Variants in RHCE observed in about 807,000 individuals in gnomAD.
The protein encoded by RHCE is blood group Rh(CE) polypeptide.
Under a neutral mutation model 43.8 loss-of-function variants are expected in RHCE, and 22 were observed. That is an observed-to-expected ratio of 0.50 (90% CI 0.36 to 0.72). RHCE has a LOEUF of 0.72. Ranked by LOEUF, RHCE falls within the 30% of genes least tolerant of loss-of-function variation. The pLI is 0.00. For missense variants in RHCE, 385 were observed against 525.4 expected, an observed-to-expected ratio of 0.73 and a Z score of 2.61; for synonymous variants, 156 against 210.7, an observed-to-expected ratio of 0.74 and a Z score of 2.25.
At chr1:25,425,416 C>T (rs913306651), upstream of RHCE, among the ~76,000 whole-genome samples, 4 of 152,196 alleles carry the variant, frequency 2.6e-5, no homozygotes, top group African/African-American at 7.2e-5. Context: ...CAAAGCCACA[C>T]AGCTAATAAA....
intron 3 of RHCE, among the ~76,000 whole-genome samples, chr1:25,395,778 A>G (rs886910379): frequency 6.6e-6 from 1 of 152,266 alleles, no homozygotes; most frequent in Non-Finnish European, 1.5e-5. Flanking sequence ...GCTTTTCCTT[A>G]CAGGAGAATG....
At position 25,413,029 on chromosome 1, in the gene RHCE, A is replaced by T. The variant is rs550875365; in HGVS notation, c.149-4160T>A. On this transcript the variant is annotated intron_variant, in intron 1 of 9. Transcript: ENST00000294413. ...ACAGAGTGAGACTCCGGCTCAAAAA[A>T]AAAGAGAGATGAGGAAGTCAGAGGA... 2.9e-3 allele frequency among the ~76,000 whole-genome samples: 435 copies of T among 152,240 alleles called. 4 individuals are homozygous for T. Among genetic ancestry groups the T allele is most frequent in the Non-Finnish European group, 4.1e-3 (277 of 68,024 alleles).
At chr1:25,415,791 G>A (rs1297263577) in intron 1 of RHCE, among the ~76,000 whole-genome samples, 6 of 151,482 alleles carry the variant, frequency 4.0e-5, no homozygotes, top group African/African-American at 1.5e-4. Context: ...TGACTAATCT[G>A]CCCAAGGTCT....
chr1:25,426,081 T>G (rs1003628644), intron 2 of RHCE, among the ~76,000 whole-genome samples: 1 of 152,226 alleles, frequency 6.6e-6, no homozygotes, highest in African/African-American at 2.4e-5. Flanking sequence ...TGGGTTGTTG[T>G]GAAGATTCAA....
rs574845882 is a variant in RHCE, at chr1:25,408,244, G to A, written c.335+439C>T. Among the ~76,000 whole-genome samples the A allele has an allele frequency of 9.8e-4, 117 of 119,242 alleles. 14 individuals carry two copies. Among genetic ancestry groups the A allele is most frequent in the African/African-American group, 2.8e-3 (106 of 38,316 alleles). The allele number at this position is 119,242 out of a possible 152,430, so 78.2% of individuals were successfully genotyped here. The stretch of plus-strand genomic sequence containing the variant: ...TGAGGTTGTGGTGTGCCGAGATAGC[G>A]CCATTGCACTCCAGCCTGGGCAACA... On this transcript the variant is annotated intron_variant, in intron 2 of 9. Transcript: ENST00000294413.
intron 8 of RHCE, 66 bp from the exon 9 acceptor site, chr1:25,370,606 C>T: frequency 2.2e-6 from 3 of 1,355,826 alleles, no homozygotes; most frequent in Non-Finnish European, 2.1e-6. Context: ...CAAGATTAAT[C>T]AAAATATTGT....
At chr1:25,391,493 C>G (rs1339394566) in intron 4 of RHCE, among the ~76,000 whole-genome samples, 1 of 147,698 alleles carries the variant, frequency 6.8e-6, no homozygotes, top group Admixed American at 6.6e-5. Context: ...GGCCCAAACG[C>G]TTATTTTTTT....
upstream of RHCE, among the ~76,000 whole-genome samples, chr1:25,424,977 G>A (rs2042794381): frequency 6.6e-6 from 1 of 151,386 alleles, no homozygotes; most frequent in Non-Finnish European, 1.5e-5. Context: ...CCACCACACT[G>A]CGCTAATTTT....
rs1480446130 is a variant in RHCE, at chr1:25,407,065, G to A, written c.335+1618C>T. Among the ~76,000 whole-genome samples the A allele has an allele frequency of 7.4e-5, 9 of 121,264 alleles. 1 individual carries two copies. Among genetic ancestry groups the A allele is most frequent in the African/African-American group, 2.3e-4 (9 of 39,358 alleles). The allele number at this position is 121,264 out of a possible 152,430, so 79.6% of individuals were successfully genotyped here. A position where few individuals can be genotyped will look rare whatever the true frequency, so the allele number is the denominator to read the frequency against. ...AGCCTCCCAAGTAGCTGGGACTGTG[G>A]GTGCACACCACCACGCCTAGCTGAT... On this transcript the variant is annotated intron_variant, in intron 2 of 9. Transcript: ENST00000294413.
intron 7 of RHCE, 87 bp downstream of exon 7, chr1:25,385,624 A>G (rs967902386): frequency 6.3e-7 from 1 of 1,597,560 alleles, no homozygotes; most frequent in African/African-American, 1.3e-5. Flanking sequence ...CCCCGAGTGC[A>G]CACGCCCCAG....
chr1:25,390,569 TC>T (rs963887764), intron 5 of RHCE, among the ~76,000 whole-genome samples, 179 bp downstream of exon 5: 2 of 152,104 alleles, frequency 1.3e-5, no homozygotes, highest in East Asian at 1.9e-4. Flanking sequence ...GTCTCCTGAG[TC>T]CCAGGCCCCC....
chr1:25,402,791 C>G (rs778186823), intron 2 of RHCE, 45 bp from the exon 3 acceptor site: 1 of 1,608,918 alleles, frequency 6.2e-7, no homozygotes, highest in Admixed American at 1.7e-5. Flanking sequence ...AGGAAGGATG[C>G]CTCTCACTCA....
At position 25,410,388 on chromosome 1, in the gene RHCE, A is replaced by G. The variant is rs914706288; in HGVS notation, c.149-1519T>C. 1.4e-4 allele frequency among the ~76,000 whole-genome samples: 21 copies of G among 151,772 alleles called. 1 individual carries two copies. The highest frequency in any genetic ancestry group is 1.2e-3 in the Admixed American group (18 of 15,242). On this transcript the variant is annotated intron_variant, in intron 1 of 9. Coordinates refer to ENST00000294413, the MANE Select transcript of RHCE (RefSeq NM_020485.8). ...TGTCTCTAACTTTGGGAGATGTTTTACTTTTTTAGTTTTAGTGTTTAAATT... is the reference window on the plus strand; with the variant it reads ...TGTCTCTAACTTTGGGAGATGTTTTGCTTTTTTAGTTTTAGTGTTTAAATT...
chr1:25,376,357 G>A (rs966850618), intron 7 of RHCE, among the ~76,000 whole-genome samples: 5 of 152,140 alleles, frequency 3.3e-5, no homozygotes, highest in Non-Finnish European at 7.4e-5. Context: ...GCAGCCCCAC[G>A]GATAGTTGTA....
intron 1 of RHCE, among the ~76,000 whole-genome samples, chr1:25,418,303 C>T (rs767094866): frequency 1.3e-5 from 2 of 151,142 alleles, no homozygotes; most frequent in Admixed American, 1.3e-4. Flanking sequence ...TTTGGGATTA[C>T]AGGCATGAGC....
chr1:25,376,267 G>A (rs1372190055), intron 7 of RHCE, among the ~76,000 whole-genome samples: 3 of 152,164 alleles, frequency 2.0e-5, no homozygotes, highest in Non-Finnish European at 4.4e-5. Flanking sequence ...CAAACATTAA[G>A]CTATTACGGG....
chr1:25,401,919 C>T (rs1369924191), intron 3 of RHCE, among the ~76,000 whole-genome samples: 2 of 151,948 alleles, frequency 1.3e-5, no homozygotes, highest in Non-Finnish European at 2.9e-5. Context: ...TCTTGTCCCC[C>T]AGGCTGCAGT....
At chr1:25,405,697 T>C (rs1362800020) in intron 2 of RHCE, among the ~76,000 whole-genome samples, 1 of 122,126 alleles carries the variant, frequency 8.2e-6, no homozygotes, top group Non-Finnish European at 1.9e-5. Context: ...CACTTCAGGG[T>C]TCCATTTATT....
rs1248588038 is a variant in RHCE, at chr1:25,362,427, A to G, written c.*100T>C. The G allele has an allele frequency of 1.9e-6, 3 of 1,613,750 alleles. No individual in the cohort carries two copies. The highest frequency in any genetic ancestry group is 1.1e-5 in the South Asian group (1 of 91,066). On this transcript the variant is annotated 3_prime_UTR_variant, in exon 10 of 10. Transcript: ENST00000294413. ...ACCTTGTTTCATTATACATAAGGAGACTTTGCTGTCATGAGCGTTTCTCAC... is the reference window on the plus strand; with the variant it reads ...ACCTTGTTTCATTATACATAAGGAGGCTTTGCTGTCATGAGCGTTTCTCAC...
Sources: gnomAD v4.1 joint callset for allele counts (sites outside exome capture counted in the v4.1 genomes callset) on GRCh38, gnomAD v4.1.1 for gene constraint, MANE v1.5 for transcripts, NCBI Gene and HGNC (gene_info 2026-07-23, HGNC 2026-07-21) for gene names.